The following METTL15 variants were observed in gnomAD, a reference collection of about 807,000 sequenced individuals.
METTL15 encodes the protein methyltransferase 15, mitochondrial 12S rRNA N4-cytidine.
In METTL15, 34 loss-of-function variants were observed where a neutral mutation model predicts 38.3. The observed-to-expected ratio is 0.89, with a 90% CI of 0.68 to 1.18. The LOEUF (loss-of-function observed/expected upper bound fraction) is 1.18. Among genes scored for constraint, METTL15 ranks in the 50% most tolerant of loss-of-function variants. The pLI, the probability that METTL15 is intolerant of heterozygous loss-of-function variation, is 0.00. For missense variants in METTL15, 438 were observed against 498.4 expected, an observed-to-expected ratio of 0.88 and a Z score of 1.15; for synonymous variants, 162 against 170.9, an observed-to-expected ratio of 0.95 and a Z score of 0.41.
chr11:28,216,713 C>G (rs1014985767), intron 4 of METTL15, among the ~76,000 whole-genome samples: 1 of 101,024 alleles, frequency 9.9e-6, no homozygotes, highest in Non-Finnish European at 1.8e-5. Flanking sequence ...CCTCCCCCCT[C>G]CCCCCACCCC....
intron 6 of METTL15, among the ~76,000 whole-genome samples, chr11:28,307,991 G>A (rs1254086395): frequency 6.6e-6 from 1 of 151,990 alleles, no homozygotes; most frequent in Admixed American, 6.6e-5. Flanking sequence ...AATTATGAGA[G>A]TATGTTGCTA....
chr11:28,431,805 AAAGAAAAAAAAAAAAAAAG>A (rs1850933097), intron 6 of METTL15, among the ~76,000 whole-genome samples: 1 of 17,034 alleles, frequency 5.9e-5, no homozygotes, highest in South Asian at 3.6e-3. Flanking sequence ...AAAAAAAAAA[AAAGAAAAAAAAAAAAAAAG>A]AAGAGTAAAC....
chr11:28,320,722 A>G (rs1849436047), intron 6 of METTL15, among the ~76,000 whole-genome samples: 1 of 152,190 alleles, frequency 6.6e-6, no homozygotes, highest in South Asian at 2.1e-4. Flanking sequence ...ATTATGGAAA[A>G]TAAACTTCTA....
At chr11:28,192,282 A>G (rs1231512393) in intron 3 of METTL15, among the ~76,000 whole-genome samples, 1 of 151,906 alleles carries the variant, frequency 6.6e-6, no homozygotes, top group Non-Finnish European at 1.5e-5. Context: ...GCTTTAAGTG[A>G]ATATCTACTT....
intron 5 of METTL15, among the ~76,000 whole-genome samples, chr11:28,393,346 A>G (rs1364777355): frequency 6.6e-6 from 1 of 152,154 alleles, no homozygotes; most frequent in Admixed American, 6.6e-5. Flanking sequence ...TTAGTCTTTA[A>G]AAATGGAAAT....
intron 3 of METTL15, among the ~76,000 whole-genome samples, chr11:28,181,558 T>A (rs1851289457): frequency 6.7e-6 from 1 of 149,392 alleles, no homozygotes; most frequent in Non-Finnish European, 1.5e-5. Flanking sequence ...GTTTCCAGCT[T>A]CATCCATGTC....
intron 3 of METTL15, among the ~76,000 whole-genome samples, chr11:28,114,241 A>AT (rs933393807): frequency 7.2e-5 from 11 of 151,956 alleles, no homozygotes; most frequent in Non-Finnish European, 1.2e-4. Flanking sequence ...GATATGTGGC[A>AT]TTTTTTATCT....
chr11:28,226,007 T>G (rs1853462656), intron 4 of METTL15, among the ~76,000 whole-genome samples: 1 of 151,976 alleles, frequency 6.6e-6, no homozygotes, highest in African/African-American at 2.4e-5. Flanking sequence ...AAGTTTTAAT[T>G]CAGCTAATTA....
chr11:28,418,359 T>C (rs1440759749), intron 5 of METTL15, among the ~76,000 whole-genome samples: 1 of 152,210 alleles, frequency 6.6e-6, no homozygotes, highest in Admixed American at 6.5e-5. Context: ...ACTTTCTTTC[T>C]TTATGTCTCA....
intron 3 of METTL15, among the ~76,000 whole-genome samples, chr11:28,146,453 T>C (rs1849889128): frequency 6.6e-6 from 1 of 152,018 alleles, no homozygotes; most frequent in Non-Finnish European, 1.5e-5. Flanking sequence ...GTATTTTGTC[T>C]TTTGGCAACT....
chr11:28,336,393 G>A (rs1016509124), downstream of METTL15, among the ~76,000 whole-genome samples: 16 of 152,094 alleles, frequency 1.1e-4, no homozygotes, highest in Admixed American at 1.0e-3. Context: ...ACATATTGAG[G>A]GGGAAAAGGA....
At chr11:28,136,019 C>T in intron 3 of METTL15, among the ~76,000 whole-genome samples, 1 of 152,150 alleles carries the variant, frequency 6.6e-6, no homozygotes, top group East Asian at 1.9e-4. Flanking sequence ...CCAAAGATAT[C>T]AGAAACCTGC....
intron 3 of METTL15, among the ~76,000 whole-genome samples, chr11:28,126,024 A>C (rs1310417290): frequency 1.3e-5 from 2 of 152,040 alleles, no homozygotes; most frequent in Admixed American, 6.6e-5. Context: ...TGCTCACTCC[A>C]GCAATTGAAT....
chr11:28,276,652 A>G (rs950791427), intron 4 of METTL15, among the ~76,000 whole-genome samples: 5 of 152,198 alleles, frequency 3.3e-5, no homozygotes, highest in African/African-American at 1.2e-4. Context: ...CAAAAGGAAC[A>G]AAGTTAGAGG....
At chr11:28,370,187 C>T (rs1262239834) in intron 5 of METTL15, among the ~76,000 whole-genome samples, 1 of 151,910 alleles carries the variant, frequency 6.6e-6, no homozygotes, top group Non-Finnish European at 1.5e-5. Flanking sequence ...ATGTTTCTAC[C>T]CATTAATCAA....
intron 6 of METTL15, among the ~76,000 whole-genome samples, chr11:28,454,822 A>C (rs1851154155): frequency 6.6e-6 from 1 of 152,066 alleles, no homozygotes; most frequent in African/African-American, 2.4e-5. Context: ...TATTCTCTGG[A>C]ATTTGATTTT....
intron 5 of METTL15, among the ~76,000 whole-genome samples, chr11:28,405,145 A>G (rs1850663379): frequency 6.6e-6 from 1 of 152,174 alleles, no homozygotes; most frequent in Admixed American, 6.6e-5. Context: ...AGCTAATGGC[A>G]AAGCTGACCA....
At chr11:28,483,611 T>C (rs936361639) in intron 6 of METTL15, among the ~76,000 whole-genome samples, 2 of 152,238 alleles carry the variant, frequency 1.3e-5, no homozygotes, top group African/African-American at 4.8e-5. Flanking sequence ...GTGGGCCATA[T>C]AGCCTGTGTC....
At chr11:28,288,724 T>TA (rs1856390483) in intron 4 of METTL15, among the ~76,000 whole-genome samples, 1 of 152,092 alleles carries the variant, frequency 6.6e-6, no homozygotes, top group Non-Finnish European at 1.5e-5. Flanking sequence ...CTAGGCTTAA[T>TA]ACCTGGGTGA....
Sources: gnomAD v4.1 joint callset for allele counts (sites outside exome capture counted in the v4.1 genomes callset) on GRCh38, gnomAD v4.1.1 for gene constraint, MANE v1.5 for transcripts, NCBI Gene and HGNC (gene_info 2026-07-23, HGNC 2026-07-21) for gene names.